Variants in COX7A2L observed in about 807,000 individuals in gnomAD.
COX7A2L encodes the protein cytochrome c oxidase subunit 7A2 like, also known as cytochrome c oxidase subunit 7A2-like, mitochondrial.
In COX7A2L, 18 loss-of-function variants were observed where a neutral mutation model predicts 14.2. The ratio of observed to expected loss-of-function variants is 1.27; its 90% CI spans 0.88 to 1.88. COX7A2L has a LOEUF of 1.88. COX7A2L is among the 40% of genes most tolerant of loss of function. The probability of loss-of-function intolerance (pLI) is 0.00; values close to 1 mark genes in which losing one functional copy is unlikely to be tolerated. For missense variants in COX7A2L, 179 were observed against 138.8 expected (o/e 1.29, Z -1.46); for synonymous variants, 65 against 57.4 (o/e 1.13, Z -0.60).
chr2:42,348,352 G>C (rs1000197278), downstream of COX7A2L, among the ~76,000 whole-genome samples: 1 of 152,048 alleles, frequency 6.6e-6, no homozygotes, highest in African/African-American at 2.4e-5. Flanking sequence ...AAGGGGAAAG[G>C]GTATCAACTT....
At chr2:42,354,067 G>T (rs1037139860) in intron 1 of COX7A2L, among the ~76,000 whole-genome samples, 1 of 152,166 alleles carries the variant, frequency 6.6e-6, no homozygotes, top group African/African-American at 2.4e-5. Context: ...TAGGTTAATG[G>T]TTGCTTCAGG....
At position 42,339,874 on chromosome 2, in the gene COX7A2L, C is replaced by T. The variant is rs1024650629; in HGVS notation, c.193-6005G>A. On this transcript the variant is annotated intron_variant, in intron 2 of 2. Coordinates refer to the COX7A2L transcript ENST00000468711. This position sits in a 1 kb window ranked among gnomAD's most constrained non-coding sequence, Gnocchi z 5.4. ...ATGGAACCCCAAGTGTGCTCTCTGT[C>T]GTGTCCACCTTCCTCTGTTCACACA... 2.0e-5 allele frequency among the ~76,000 whole-genome samples: 3 copies of T among 152,112 alleles called. No individual in the cohort carries two copies. The highest frequency in any genetic ancestry group is 7.2e-5 in the African/African-American group (3 of 41,404).
At chr2:42,367,663 C>A (rs1161622490) in intron 1 of COX7A2L, among the ~76,000 whole-genome samples, 1 of 152,252 alleles carries the variant, frequency 6.6e-6, no homozygotes, top group Non-Finnish European at 1.5e-5. Context: ...CAGCGACACG[C>A]CTGCCGTTAG....
At chr2:42,343,193 C>G (rs187044195) in intron 2 of COX7A2L, among the ~76,000 whole-genome samples, 1 of 152,310 alleles carries the variant, frequency 6.6e-6, no homozygotes, top group East Asian at 1.9e-4. Flanking sequence ...CACACCCACC[C>G]GGGCAGCCTC....
At chr2:42,365,934 C>G (rs1203827164), upstream of COX7A2L, 2 of 152,202 alleles carry the variant, frequency 1.3e-5, no homozygotes, top group Non-Finnish European at 2.9e-5. Flanking sequence ...ATCACCTCCA[C>G]ACATTGCTGG....
intron 2 of COX7A2L, among the ~76,000 whole-genome samples, chr2:42,335,670 G>A (rs114739852): frequency 6.6e-6 from 1 of 152,216 alleles, no homozygotes; most frequent in Non-Finnish European, 1.5e-5. Flanking sequence ...GCTGAGTTAC[G>A]AGTTGAAGCC....
At chr2:42,363,601 A>T (rs1671103492), upstream of COX7A2L, among the ~76,000 whole-genome samples, 2 of 152,336 alleles carry the variant, frequency 1.3e-5, no homozygotes, top group South Asian at 4.1e-4. Flanking sequence ...TCAGTAGCAG[A>T]GTGTGGGTTG....
At chr2:42,361,482 A>G (rs1671049132), upstream of COX7A2L, 1 of 242,770 alleles carries the variant, frequency 4.1e-6, no homozygotes. Flanking sequence ...GAAATGCGCA[A>G]GCGCTCCACG....
rs1344057051 is a variant in COX7A2L at position 42,350,474 on chromosome 2, G to C, written c.*745C>G. 6.6e-6 allele frequency: 1 copy of C among 152,056 alleles called. No individual in the cohort carries two copies. The highest frequency in any genetic ancestry group is 1.9e-4 in the East Asian group (1 of 5,198). 9.4% of individuals were successfully genotyped at this position (152,056 alleles called of 1,614,324 possible). A position where few individuals can be genotyped will look rare whatever the true frequency, so the allele number is the denominator to read the frequency against. On this transcript the variant is annotated 3_prime_UTR_variant, in exon 3 of 3. Coordinates refer to ENST00000234301, the MANE Select transcript of COX7A2L (RefSeq NM_004718.4). ...CTGGTGTTCTGAAATTACTCTGAAA[G>C]GTCATTCAAAGAACTTCAAACTTAA...
chr2:42,353,444 T>C (rs1027082843), intron 1 of COX7A2L, 101 bp from the exon 2 acceptor site: 2 of 1,475,688 alleles, frequency 1.4e-6, no homozygotes, highest in African/African-American at 2.9e-5. Flanking sequence ...CAAGAAAGTC[T>C]CTCCAACTTT....
At chr2:42,362,420 A>T (rs1241393971), upstream of COX7A2L, among the ~76,000 whole-genome samples, 1 of 152,164 alleles carries the variant, frequency 6.6e-6, no homozygotes, top group Non-Finnish European at 1.5e-5. Context: ...ATTGCCCTAA[A>T]CTCATTTAAT....
intron 2 of COX7A2L, among the ~76,000 whole-genome samples, chr2:42,341,454 T>G (rs550648838): frequency 6.0e-4 from 91 of 152,158 alleles, no homozygotes; most frequent in African/African-American, 2.2e-3. Flanking sequence ...CCTTAAACAC[T>G]CCTTAACTTC....
intron 2 of COX7A2L, among the ~76,000 whole-genome samples, chr2:42,344,310 C>A (rs530603240): frequency 1.3e-5 from 2 of 152,302 alleles, no homozygotes; most frequent in Admixed American, 6.5e-5. Flanking sequence ...CCTCTGCTTA[C>A]ACGTGTTTTT....
Position 42,343,332 on chromosome 2 carries a change from G to A in COX7A2L, c.193-9463C>T, listed in dbSNP as rs187325726. 1.4e-3 allele frequency among the ~76,000 whole-genome samples: 218 copies of A among 152,348 alleles called. 1 individual carries two copies. Among genetic ancestry groups the A allele is most frequent in the Non-Finnish European group, 2.5e-3 (172 of 68,024 alleles). ...TGGTCTATCAACCCTAAGAGGTGGA[G>A]AGACACCCTGAAAATGACCCTAAGC... On this transcript the variant is annotated intron_variant, in intron 2 of 2. Coordinates refer to the COX7A2L transcript ENST00000468711.
At chr2:42,336,973 C>T (rs561289207) in intron 2 of COX7A2L, among the ~76,000 whole-genome samples, 2 of 152,176 alleles carry the variant, frequency 1.3e-5, no homozygotes, top group East Asian at 3.8e-4. Flanking sequence ...GGAGCATACA[C>T]TCTAGAAAGG....
rs1670332295 is a variant in COX7A2L, at chr2:42,338,511, T to G, written c.193-4642A>C. On this transcript the variant is annotated intron_variant, in intron 2 of 2. Coordinates refer to the COX7A2L transcript ENST00000468711. This position sits in a 1 kb window ranked among gnomAD's most constrained non-coding sequence, Gnocchi z 4.4. ...CTGCCATGTGCTGCCCGTGAACATC[T>G]CCTCACCAGAATCATTAGCAGAAAC... 6.6e-6 allele frequency among the ~76,000 whole-genome samples: 1 copy of G among 152,130 alleles called. No individual in the cohort carries two copies. The highest frequency in any genetic ancestry group is 1.5e-5 in the Non-Finnish European group (1 of 68,004).
chr2:42,367,537 G>A (rs1035983162), intron 1 of COX7A2L, among the ~76,000 whole-genome samples: 6 of 152,206 alleles, frequency 3.9e-5, no homozygotes, highest in African/African-American at 1.2e-4. Flanking sequence ...TCTAATGGAA[G>A]GCAAATCTCC....
intron 1 of COX7A2L, among the ~76,000 whole-genome samples, chr2:42,358,667 A>T (rs1670909111): frequency 6.6e-6 from 1 of 152,242 alleles, no homozygotes; most frequent in Non-Finnish European, 1.5e-5. Context: ...CTCAAGAGAA[A>T]CACGATTCAC....
At chr2:42,336,752 C>T (rs989950906) in intron 2 of COX7A2L, among the ~76,000 whole-genome samples, 4 of 152,188 alleles carry the variant, frequency 2.6e-5, no homozygotes, top group Admixed American at 1.3e-4. Flanking sequence ...TCCTCTTCTA[C>T]GGACTTCAGT....
Sources: gnomAD v4.1 joint callset for allele counts (sites outside exome capture counted in the v4.1 genomes callset) on GRCh38, gnomAD v4.1.1 for gene constraint, Gnocchi (gnomAD v3.1) non-coding constraint, MANE v1.5 for transcripts, NCBI Gene and HGNC (gene_info 2026-07-23, HGNC 2026-07-21) for gene names.